Variants in HNF4G observed in about 807,000 individuals in gnomAD.
HNF4G encodes hepatocyte nuclear factor 4 gamma, also known as hepatocyte nuclear factor 4-gamma.
Under a neutral mutation model 50.9 loss-of-function variants are expected in HNF4G, and 21 were observed. The observed-to-expected ratio is 0.41, with a 90% confidence interval of 0.29 to 0.59. The LOEUF (loss-of-function observed/expected upper bound fraction) is 0.59. Ranked by LOEUF, HNF4G falls within the 20% of genes least tolerant of loss-of-function variation. The pLI is 0.26. For missense variants in HNF4G, 527 were observed against 559.4 expected (o/e 0.94, Z 0.58); for synonymous variants, 198 against 185.6 (o/e 1.07, Z -0.54).
At chr8:75,495,186 C>T (rs2130692361) in intron 2 of HNF4G, among the ~76,000 whole-genome samples, 2 of 152,334 alleles carry the variant, frequency 1.3e-5, no homozygotes, top group Non-Finnish European at 2.9e-5. Context: ...TCCTACTCTT[C>T]TCATTGTGTC....
intron 2 of HNF4G, among the ~76,000 whole-genome samples, chr8:75,491,614 T>TG (rs1334941358): frequency 6.6e-6 from 1 of 152,102 alleles, no homozygotes; most frequent in African/African-American, 2.4e-5. Context: ...GTAGCGGGAT[T>TG]ACAGGCACAT....
In HNF4G at chr8:75,514,188, A is replaced by G. The variant is rs542058088; in HGVS notation, c.-24+23980A>G. The stretch of plus-strand genomic sequence containing the variant: ...CTTTCCATTGTAGTATTTTACCATT[A>G]CATAGTGATTCTTTTACATGTATAA... On this transcript the variant is annotated intron_variant, in intron 2 of 10. Transcript: ENST00000354370. Among the ~76,000 whole-genome samples, 30 of 152,084 alleles carry G rather than the reference A, an allele frequency of 2.0e-4. No individual in the cohort carries two copies. The South Asian group carries it at 5.8e-3, about 29-fold the overall frequency.
intron 1 of HNF4G, among the ~76,000 whole-genome samples, chr8:75,412,280 CT>C (rs1810519436): frequency 6.6e-6 from 1 of 152,148 alleles, no homozygotes; most frequent in Non-Finnish European, 1.5e-5. Flanking sequence ...TTATTCCTAC[CT>C]GTGTGCAGAT....
chr8:75,557,118 TG>T (rs1484005628), intron 6 of HNF4G, among the ~76,000 whole-genome samples: 1 of 152,236 alleles, frequency 6.6e-6, no homozygotes, highest in East Asian at 1.9e-4. Context: ...ATACTGTTCT[TG>T]TTATAGACCT....
At chr8:75,495,535 ATTTTTTTTTT>A (rs10659091) in intron 2 of HNF4G, 1 of 134,892 alleles carries the variant, frequency 7.4e-6, no homozygotes, top group African/African-American at 2.8e-5. Flanking sequence ...AACACTTCTA[ATTTTTTTTTT>A]TTTTTTTTTT....
intron 1 of HNF4G, among the ~76,000 whole-genome samples, chr8:75,431,458 A>C (rs1811012793): frequency 6.6e-6 from 1 of 152,212 alleles, no homozygotes; most frequent in Non-Finnish European, 1.5e-5. Flanking sequence ...GAAAAAGATA[A>C]TATAGAAAAT....
chr8:75,471,262 TC>T (rs1812104893), intron 1 of HNF4G, among the ~76,000 whole-genome samples: 2 of 152,122 alleles, frequency 1.3e-5, no homozygotes, highest in Non-Finnish European at 2.9e-5. Context: ...GGACTGTATA[TC>T]ATGAACAGAA....
intron 1 of HNF4G, among the ~76,000 whole-genome samples, chr8:75,473,762 T>C (rs1198602271): frequency 6.6e-6 from 1 of 151,924 alleles, no homozygotes; most frequent in African/African-American, 2.4e-5. Flanking sequence ...CAGAGAACGA[T>C]GCAAAAGAGG....
chr8:75,495,479 C>T (rs1476611137), intron 2 of HNF4G: 1 of 151,384 alleles, frequency 6.6e-6, no homozygotes, highest in Non-Finnish European at 1.5e-5. Context: ...ATTCTGTCAA[C>T]TTTGGAACTT....
chr8:75,489,883 G>A (rs7828282), intron 1 of HNF4G, among the ~76,000 whole-genome samples: 34,627 of 152,040 alleles, frequency 0.23, 5,151 homozygotes, highest in African/African-American at 0.42. Flanking sequence ...TTGTTGTTCT[G>A]TGTGGAACTT....
intron 1 of HNF4G, among the ~76,000 whole-genome samples, chr8:75,427,411 C>G (rs1187517478): frequency 1.3e-5 from 2 of 151,992 alleles, no homozygotes; most frequent in Non-Finnish European, 2.9e-5. Flanking sequence ...AACCCAGTCT[C>G]TACTAAAAAT....
intron 1 of HNF4G, among the ~76,000 whole-genome samples, chr8:75,462,121 T>A (rs923004586): frequency 1.3e-5 from 2 of 151,930 alleles, no homozygotes; most frequent in Admixed American, 6.6e-5. Context: ...TTCTCCATGT[T>A]GGTCAGGCTG....
intron 2 of HNF4G, among the ~76,000 whole-genome samples, chr8:75,532,598 C>CG (rs1806358620): frequency 6.6e-6 from 1 of 152,020 alleles, no homozygotes; most frequent in Non-Finnish European, 1.5e-5. Context: ...GAAGAATGTT[C>CG]TTTGTGCTCT....
chr8:75,414,122 A>G (rs995982791), intron 1 of HNF4G, among the ~76,000 whole-genome samples: 1 of 152,080 alleles, frequency 6.6e-6, no homozygotes, highest in Non-Finnish European at 1.5e-5. Flanking sequence ...AAGACAAAGA[A>G]CATTTCTGCA....
rs113664458 is a variant in HNF4G at position 75,434,296 on chromosome 8, C to G, written c.-144+26134C>G. On this transcript the variant is annotated intron_variant, in intron 1 of 10. Coordinates refer to the HNF4G transcript ENST00000354370. Reference sequence around the variant, plus strand: ...GGATTACAGGCATGAGCCACTGCGTCTGGCCTAAATAACTTATGTTTCCAA... The same window carrying G: ...GGATTACAGGCATGAGCCACTGCGTGTGGCCTAAATAACTTATGTTTCCAA... 3.2e-4 allele frequency among the ~76,000 whole-genome samples: 48 copies of G among 152,166 alleles called. 1 individual carries two copies. Among genetic ancestry groups the G allele is most frequent in the African/African-American group, 1.1e-3 (47 of 41,530 alleles).
chr8:75,414,923 T>G (rs1810596927), intron 1 of HNF4G, among the ~76,000 whole-genome samples: 1 of 152,206 alleles, frequency 6.6e-6, no homozygotes, highest in African/African-American at 2.4e-5. Flanking sequence ...ATAGAATGGT[T>G]GGATCATAGG....
intron 2 of HNF4G, among the ~76,000 whole-genome samples, chr8:75,546,596 T>C (rs2130793547): frequency 6.6e-6 from 1 of 152,270 alleles, no homozygotes; most frequent in East Asian, 1.9e-4. Flanking sequence ...GGACATTTTG[T>C]ATAAACAAAA....
intron 2 of HNF4G, among the ~76,000 whole-genome samples, chr8:75,525,530 C>A (rs1225884398): frequency 6.6e-6 from 1 of 152,146 alleles, no homozygotes; most frequent in Non-Finnish European, 1.5e-5. Flanking sequence ...TGAAAACCAC[C>A]TCTGGGACCT....
At chr8:75,452,460 C>T (rs1811607181) in intron 1 of HNF4G, among the ~76,000 whole-genome samples, 1 of 152,096 alleles carries the variant, frequency 6.6e-6, no homozygotes, top group Non-Finnish European at 1.5e-5. Context: ...TGGCTCACGC[C>T]TGTAATCACA....
Sources: gnomAD v4.1 joint callset for allele counts (sites outside exome capture counted in the v4.1 genomes callset) on GRCh38, gnomAD v4.1.1 for gene constraint, MANE v1.5 for transcripts, NCBI Gene and HGNC (gene_info 2026-07-23, HGNC 2026-07-21) for gene names.